Variants in UGT2A2 observed in about 807,000 individuals in gnomAD.
UGT2A2 encodes the protein UDP-glucuronosyltransferase 2A2.
A neutral mutation model predicts 50.7 loss-of-function variants in UGT2A2; 60 were observed. That is an observed-to-expected ratio of 1.18 (90% CI 0.96 to 1.47). The LOEUF is 1.47. UGT2A2 is among the 40% of genes most tolerant of loss of function. UGT2A2 has a pLI of 0.00. For synonymous variants in UGT2A2, 242 were observed against 214.6 expected, an observed-to-expected ratio of 1.13 and a Z score of -1.11; for missense variants, 762 against 634.0, an observed-to-expected ratio of 1.20 and a Z score of -2.17.
chr4:69,620,007 G>A (rs1720650160), intron 1 of UGT2A2, among the ~76,000 whole-genome samples: 1 of 152,068 alleles, frequency 6.6e-6, no homozygotes, highest in South Asian at 2.1e-4. Flanking sequence ...AGACATATAT[G>A]ACAAACCCCC....
At chr4:69,610,194 G>A (rs189819188) in intron 1 of UGT2A2, among the ~76,000 whole-genome samples, 3 of 152,062 alleles carry the variant, frequency 2.0e-5, no homozygotes, top group Admixed American at 6.5e-5. Context: ...TTTTAAATGT[G>A]CAAAAATTAA....
At chr4:69,612,349 T>G (rs1030223602) in intron 1 of UGT2A2, among the ~76,000 whole-genome samples, 24 of 152,080 alleles carry the variant, frequency 1.6e-4, no homozygotes, top group African/African-American at 5.8e-4. Context: ...ACACATTCAA[T>G]GACATTCATG....
At chr4:69,615,442 C>T (rs536290436) in intron 1 of UGT2A2, among the ~76,000 whole-genome samples, 1 of 152,004 alleles carries the variant, frequency 6.6e-6, no homozygotes, top group African/African-American at 2.4e-5. Flanking sequence ...AAACAGTCTA[C>T]AAAATGGGAG....
In UGT2A2 at chr4:69,595,242, C is replaced by T. The variant is rs1443843324; in HGVS notation, c.1031G>A (p.Trp344Ter). 2.9e-5 allele frequency: 46 copies of T among 1,613,596 alleles called. No homozygotes were observed. The highest frequency in any genetic ancestry group is 3.8e-5 in the Non-Finnish European group (45 of 1,179,804). ...ALAQIPQKVL[W>*]RYKGKKPATL... ...GGCTGGTTTCTTTCCTTTGTATCTC[C>T]ATAAAACCTGTGGAAAATGGTGCTT... Residue 344 changes from tryptophan (W) to a stop codon, truncating the protein, a stop_gained, in exon 4 of 6, where the codon TGG (tryptophan) becomes TAG (stop). Transcript: ENST00000604629. LOFTEE classifies it high-confidence loss of function.
chr4:69,590,677 C>A lies in UGT2A2; in HGVS notation c.1332-1026G>T, dbSNP rs150794962. On this transcript the variant is annotated intron_variant, in intron 5 of 5. Transcript: ENST00000604629. The stretch of plus-strand genomic sequence containing the variant: ...TGTGTGTGTTTGTGTGTCTGTCTGT[C>A]TAGTGAAAAAGAATATAAGTAAGTA... Among the ~76,000 whole-genome samples, 994 of 151,474 alleles carry A rather than the reference C, an allele frequency of 6.6e-3. 16 individuals carry two copies. The highest frequency in any genetic ancestry group is 0.021 in the African/African-American group (871 of 41,306).
chr4:69,594,655 T>C lies in UGT2A2; in HGVS notation c.1153A>G (p.Asn385Asp). 1 of 1,614,074 alleles carries C rather than the reference T, an allele frequency of 6.2e-7. No homozygotes were observed. Among genetic ancestry groups the C allele is most frequent in the South Asian group, 1.1e-5 (1 of 91,082 alleles). Residue 385 changes from asparagine (N) to aspartate (D), a missense_variant, in exon 5 of 6, where the codon AAT becomes GAT. Asn to Asp is a conservative substitution (Grantham distance 23). Coordinates refer to ENST00000604629, the MANE Select transcript of UGT2A2 (RefSeq NM_001105677.2). ...TKAFITHGGTNGIYEAIYHGV... is the reference protein window; with the variant it reads ...TKAFITHGGTDGIYEAIYHGV... ...TGGTAAATAGCTTCGTAGATCCCAT[T>C]AGTTCCACCATGAGTGATAAAAGCT...
At chr4:69,610,909 T>C (rs1256613389) in intron 1 of UGT2A2, among the ~76,000 whole-genome samples, 2 of 152,180 alleles carry the variant, frequency 1.3e-5, no homozygotes, top group African/African-American at 4.8e-5. Context: ...TTAAATTAGC[T>C]AATCTTTTTC....
Position 69,606,754 on chromosome 4 carries a change from C to T in UGT2A2, c.743-7360G>A, listed in dbSNP as rs1247544451. Among the ~76,000 whole-genome samples, 5 of 136,620 alleles carry T rather than the reference C, an allele frequency of 3.7e-5. 1 individual carries two copies. Among genetic ancestry groups the T allele is most frequent in the Non-Finnish European group, 7.8e-5 (5 of 64,308 alleles). The allele number at this position is 136,620 out of a possible 152,430, so 89.6% of individuals were successfully genotyped here. On this transcript the variant is annotated intron_variant, in intron 1 of 5. Transcript: ENST00000604629. ...GGATACAAAATCAATGTGCAAAAAT[C>T]ACAAGCATTCTTATACACCAATAAC... is the stretch of plus-strand genomic sequence containing the variant.
chr4:69,611,943 G>T (rs1000491514), intron 1 of UGT2A2, among the ~76,000 whole-genome samples: 1 of 151,958 alleles, frequency 6.6e-6, no homozygotes, highest in Non-Finnish European at 1.5e-5. Context: ...CCATTACATG[G>T]AAATGTATAG....
chr4:69,630,296 G>A (rs1416506574), intron 1 of UGT2A2, among the ~76,000 whole-genome samples: 1 of 151,880 alleles, frequency 6.6e-6, no homozygotes, highest in Non-Finnish European at 1.5e-5. Flanking sequence ...ATATGCAACA[G>A]GGTCTTTAAG....
chr4:69,637,017 G>T (rs1254183364), intron 1 of UGT2A2, among the ~76,000 whole-genome samples: 1 of 152,004 alleles, frequency 6.6e-6, no homozygotes, highest in African/African-American at 2.4e-5. Flanking sequence ...TTCAGTAGCT[G>T]CAATAATCAC....
chr4:69,589,144 G>T lies in UGT2A2; in HGVS notation c.*228C>A. The T allele has an allele frequency of 7.1e-6, 3 of 423,134 alleles. No homozygotes were observed. Among genetic ancestry groups the T allele is most frequent in the Non-Finnish European group, 1.2e-5 (3 of 256,016 alleles). 26.2% of individuals were successfully genotyped at this position (423,134 alleles called of 1,614,324 possible). A position where few individuals can be genotyped will look rare whatever the true frequency, so the allele number is the denominator to read the frequency against. On this transcript the variant is annotated 3_prime_UTR_variant, in exon 6 of 6. Coordinates refer to ENST00000604629, the MANE Select transcript of UGT2A2 (RefSeq NM_001105677.2). ...AAGTGACAGGAAGAGGGTATAGTCAGCAGGGAGAGACAAAGGAAAAATAGA... is the reference window on the plus strand; with the variant it reads ...AAGTGACAGGAAGAGGGTATAGTCATCAGGGAGAGACAAAGGAAAAATAGA...
intron 1 of UGT2A2, among the ~76,000 whole-genome samples, chr4:69,621,174 T>C (rs1720733212): frequency 6.6e-6 from 1 of 152,016 alleles, no homozygotes; most frequent in Non-Finnish European, 1.5e-5. Flanking sequence ...CTTAAGAGCT[T>C]CTGCACAGCA....
intron 1 of UGT2A2, among the ~76,000 whole-genome samples, chr4:69,633,114 G>C (rs1347745735): frequency 1.3e-5 from 2 of 152,250 alleles, no homozygotes; most frequent in East Asian, 3.9e-4. Flanking sequence ...CTCAGCCTAA[G>C]TATCTGAAAA....
At position 69,594,693 on chromosome 4, in the gene UGT2A2, T is replaced by C; in HGVS notation, c.1115A>G (p.His372Arg). The change falls in exon 5 of 6, where the codon CAT (histidine) becomes CGT (arginine). Residue 372 changes from histidine (H) to arginine (R), a missense_variant. Coordinates refer to ENST00000604629, the MANE Select transcript of UGT2A2 (RefSeq NM_001105677.2). ...DWIPQNDLLG[H>R]PKTKAFITHG... ...AGTGATAAAAGCTTTGGTTTTGGGA[T>C]GTCCTAATTTGAGGATGGAGTGAGA... 1 of 1,612,796 alleles carries C rather than the reference T, an allele frequency of 6.2e-7. No homozygotes were observed. Among genetic ancestry groups the C allele is most frequent in the South Asian group, 1.1e-5 (1 of 90,952 alleles).
intron 1 of UGT2A2, among the ~76,000 whole-genome samples, chr4:69,627,941 C>T (rs538148205): frequency 2.0e-5 from 3 of 151,784 alleles, no homozygotes; most frequent in Non-Finnish European, 2.9e-5. Context: ...ATATGTCTTA[C>T]GAATATTCAC....
At chr4:69,615,086 A>G (rs928563219) in intron 1 of UGT2A2, among the ~76,000 whole-genome samples, 1 of 151,996 alleles carries the variant, frequency 6.6e-6, no homozygotes, top group East Asian at 1.9e-4. Context: ...ATCACCTTTC[A>G]ACAGATCCCT....
intron 1 of UGT2A2, 96 bp from the exon 2 acceptor site, chr4:69,599,490 G>A (rs1719132436): frequency 6.5e-7 from 1 of 1,539,126 alleles, no homozygotes; most frequent in Non-Finnish European, 8.7e-7. Flanking sequence ...AAGCTGTTAA[G>A]AAAAAACTGA....
chr4:69,610,246 C>CA (rs4148316), intron 1 of UGT2A2, among the ~76,000 whole-genome samples: 57,457 of 151,092 alleles, frequency 0.38, 11,040 homozygotes, highest in African/African-American at 0.43. Flanking sequence ...TCTGCCATTA[C>CA]AAAAAAAAAG....
Sources: allele counts gnomAD v4.1 joint callset (sites outside exome capture counted in the v4.1 genomes callset), GRCh38; gene constraint gnomAD v4.1.1; transcripts MANE v1.5; gene names NCBI Gene and HGNC (gene_info 2026-07-23, HGNC 2026-07-21).